The following RAB3GAP2 variants were observed in gnomAD, a reference collection of about 807,000 sequenced individuals.
RAB3GAP2 encodes RAB3 GTPase activating non-catalytic protein subunit 2.
RAB3GAP2 carries 87 observed loss-of-function variants against 185.3 expected under a neutral mutation model. The observed-to-expected ratio is 0.47, with a 90% CI of 0.39 to 0.56. The LOEUF (loss-of-function observed/expected upper bound fraction) is 0.56, where lower values mean the gene tolerates loss of function less well. Ranked by LOEUF, RAB3GAP2 falls within the 20% of genes least tolerant of loss-of-function variation. The pLI is 0.00. For missense variants in RAB3GAP2, 1,492 were observed against 1,638.2 expected (o/e 0.91, Z 1.54); for synonymous variants, 554 against 576.1 (o/e 0.96, Z 0.55).
Position 220,167,281 on chromosome 1 carries a change from C to T in RAB3GAP2, c.3087+12G>A, listed in dbSNP as rs376690388. 6.9e-5 allele frequency: 111 copies of T among 1,600,218 alleles called. 2 individuals are homozygous for T. In the Middle Eastern group the frequency reaches 6.3e-3, roughly 90 times the overall value. On this transcript the variant is annotated intron_variant, in intron 26 of 34. Transcript: ENST00000358951. ...AGCAGAAATAACATGAAAGAGGTAA[C>T]GAGAATCTTACCTCTGGATCTTTAT...
intron 28 of RAB3GAP2, among the ~76,000 whole-genome samples, chr1:220,161,295 G>C (rs1571875848): frequency 6.6e-6 from 1 of 152,108 alleles, no homozygotes; most frequent in South Asian, 2.1e-4. Context: ...TCTTGGCTGT[G>C]GTGCTATTCA....
At chr1:220,164,990 C>T (rs549867890) in intron 26 of RAB3GAP2, among the ~76,000 whole-genome samples, 191 bp from the exon 27 acceptor site, 1 of 151,924 alleles carries the variant, frequency 6.6e-6, no homozygotes, top group South Asian at 2.1e-4. Flanking sequence ...ATTACCTATA[C>T]AATAATTAAT....
chr1:220,249,771 T>A (rs1571928453), intron 1 of RAB3GAP2, among the ~76,000 whole-genome samples: 1 of 152,100 alleles, frequency 6.6e-6, no homozygotes, highest in South Asian at 2.1e-4. Flanking sequence ...CAGCCATGGC[T>A]AAAAGGGGTC....
chr1:220,272,278 G>A lies in RAB3GAP2; in HGVS notation c.60C>T (p.Phe20=), dbSNP rs745305970. The A allele has an allele frequency of 2.5e-6, 4 of 1,612,514 alleles. No individual in the cohort carries two copies. The South Asian group carries it at 4.4e-5, about 18-fold the overall frequency. The change falls in exon 1 of 35, where the codon TTC becomes TTT. Residue 20 remains phenylalanine, a synonymous_variant. Coordinates refer to ENST00000358951, the MANE Select transcript of RAB3GAP2 (RefSeq NM_012414.4). ...YFQDLQAARD[F]LFPHLREEIL... ...TCTCCTCCCGCAGGTGAGGAAAGAG[G>A]AAGTCCCGGGCGGCCTGGAGGTCCT...
At chr1:220,204,730 TC>T (rs1181219909) in intron 8 of RAB3GAP2, among the ~76,000 whole-genome samples, 1 of 91,630 alleles carries the variant, frequency 1.1e-5, no homozygotes, top group Non-Finnish European at 2.1e-5. Context: ...ATGCTATCCC[TC>T]CCCCCTCCCC....
intron 4 of RAB3GAP2, 57 bp from the exon 5 acceptor site, chr1:220,211,059 T>A: frequency 6.7e-7 from 1 of 1,492,906 alleles, no homozygotes; most frequent in Non-Finnish European, 9.3e-7. Context: ...TTACTTTTAT[T>A]TCTCTATAAT....
At chr1:220,210,127 A>G (rs1449796221) in intron 7 of RAB3GAP2, among the ~76,000 whole-genome samples, 1 of 152,210 alleles carries the variant, frequency 6.6e-6, no homozygotes, top group East Asian at 1.9e-4. Context: ...AATTCTAAAA[A>G]TAAGAAATTT....
At chr1:220,163,760 T>TATATATATATATAA (rs1658011482) in intron 27 of RAB3GAP2, among the ~76,000 whole-genome samples, 2 of 145,814 alleles carry the variant, frequency 1.4e-5, no homozygotes, top group African/African-American at 5.0e-5. Context: ...TATATATATA[T>TATATATATATATAA]ATATATATAT....
Position 220,167,815 on chromosome 1 carries a change from G to T in RAB3GAP2, c.2807-140C>A, listed in dbSNP as rs922171193. 1.9e-5 allele frequency: 17 copies of T among 912,734 alleles called. No individual in the cohort carries two copies. In the African/African-American group the frequency reaches 2.1e-4, roughly 11 times the overall value. 56.5% of individuals were successfully genotyped at this position (912,734 alleles called of 1,614,324 possible). On this transcript the variant is annotated intron_variant, in intron 24 of 34. Coordinates refer to ENST00000358951, the MANE Select transcript of RAB3GAP2 (RefSeq NM_012414.4). Reference sequence around the variant, plus strand: ...TGAAGCTGACCCGAAAAAGCCATGAGATTTACAGCAGTGTTCCTACCTACC... The same window carrying T: ...TGAAGCTGACCCGAAAAAGCCATGATATTTACAGCAGTGTTCCTACCTACC...
intron 1 of RAB3GAP2, among the ~76,000 whole-genome samples, chr1:220,254,956 T>G (rs1296659783): frequency 1.3e-5 from 2 of 151,486 alleles, no homozygotes; most frequent in Non-Finnish European, 2.9e-5. Flanking sequence ...TTTGTGCTTT[T>G]TTTTTTTTTT....
rs1241403001 is a variant in RAB3GAP2 at position 220,213,742 on chromosome 1, G to GA, written c.304+113_304+114insT. ...GGGCGGAGGAGGAGTTGGGGGGGGG[G>GA]GGAGAGAGAGAGAAATAAATAAATA... is the stretch of plus-strand genomic sequence containing the variant. On this transcript the variant is annotated intron_variant, in intron 3 of 34. Transcript: ENST00000358951. The GA allele has an allele frequency of 9.0e-4, 885 of 987,686 alleles. 8 individuals carry two copies. The African/African-American group carries it at 0.014, about 15-fold the overall frequency. The allele number at this position is 987,686 out of a possible 1,614,324, so 61.2% of individuals were successfully genotyped here.
intron 2 of RAB3GAP2, among the ~76,000 whole-genome samples, chr1:220,218,482 C>T (rs1230723373): frequency 6.6e-6 from 1 of 152,084 alleles, no homozygotes; most frequent in African/African-American, 2.4e-5. Flanking sequence ...AGCAAACTAT[C>T]GCAAGGACAG....
At position 220,272,302 on chromosome 1, in the gene RAB3GAP2, C is replaced by G. The variant is rs1660352143; in HGVS notation, c.36G>C (p.Gln12His). 2 of 1,612,338 alleles carry G rather than the reference C, an allele frequency of 1.2e-6. No individual in the cohort carries two copies. The highest frequency in any genetic ancestry group is 3.3e-5 in the Admixed American group (2 of 59,892). Reference protein sequence around the residue: ...ACSIVQFCYFQDLQAARDFLF... With the variant: ...ACSIVQFCYFHDLQAARDFLF... ...GGAAGTCCCGGGCGGCCTGGAGGTC[C>G]TGGAAGTAGCAGAACTGGACAATGG... The change falls in exon 1 of 35, where the codon CAG becomes CAC. Residue 12 changes from glutamine (Q) to histidine (H), a missense_variant. By Grantham distance (24) the Gln-to-His change is conservative. Coordinates refer to ENST00000358951, the MANE Select transcript of RAB3GAP2 (RefSeq NM_012414.4).
Position 220,189,775 on chromosome 1 carries a change from G to GA in RAB3GAP2, c.1715-9dup. On this transcript the variant is annotated splice_polypyrimidine_tract_variant and intron_variant, in intron 16 of 34. Coordinates refer to ENST00000358951, the MANE Select transcript of RAB3GAP2 (RefSeq NM_012414.4). ...TTTCTGTTTCAACCAAATCTATAAA[G>GA]AAAAAAATAATCAAAGTAAAATTTT... 1 of 1,464,318 alleles carries GA rather than the reference G, an allele frequency of 6.8e-7. No homozygotes were observed. Among genetic ancestry groups the GA allele is most frequent in the Non-Finnish European group, 9.2e-7 (1 of 1,082,344 alleles). 90.7% of individuals were successfully genotyped at this position (1,464,318 alleles called of 1,614,324 possible).
chr1:220,162,978 T>C (rs945583307), intron 27 of RAB3GAP2, among the ~76,000 whole-genome samples: 1 of 152,064 alleles, frequency 6.6e-6, no homozygotes, highest in Non-Finnish European at 1.5e-5. Context: ...AACCCATCCC[T>C]ATGAAAAAAT....
chr1:220,203,728 A>C (rs905134507), intron 8 of RAB3GAP2, among the ~76,000 whole-genome samples: 2 of 152,204 alleles, frequency 1.3e-5, no homozygotes, highest in African/African-American at 4.8e-5. Context: ...TGTTCTCAAG[A>C]TAGTGAAGCT....
intron 1 of RAB3GAP2, chr1:220,254,223 G>A: frequency 1.9e-6 from 3 of 1,613,538 alleles, no homozygotes; most frequent in Non-Finnish European, 2.5e-6. Context: ...ATGAAGTTGT[G>A]GCAGGGATAA....
intron 22 of RAB3GAP2, among the ~76,000 whole-genome samples, chr1:220,172,303 G>C (rs1042104376): frequency 2.0e-5 from 3 of 151,938 alleles, no homozygotes; most frequent in Non-Finnish European, 4.4e-5. Flanking sequence ...GAAAACTGTT[G>C]AATATTTTAA....
chr1:220,156,678 T>C (rs1185405713), intron 31 of RAB3GAP2, among the ~76,000 whole-genome samples: 5 of 152,316 alleles, frequency 3.3e-5, no homozygotes, highest in South Asian at 2.1e-4. Context: ...ACTAGGGTTA[T>C]AGTCATGGAG....
Sources: allele counts gnomAD v4.1 joint callset (sites outside exome capture counted in the v4.1 genomes callset), GRCh38; gene constraint gnomAD v4.1.1; transcripts MANE v1.5; gene names NCBI Gene and HGNC (gene_info 2026-07-23, HGNC 2026-07-21).